Variants in ITSN2 observed in about 807,000 individuals in gnomAD.
ITSN2 encodes intersectin 2, also known as intersectin-2.
In ITSN2, 156 loss-of-function variants were observed where a neutral mutation model predicts 243.7. That is an observed-to-expected ratio of 0.64 (90% CI 0.56 to 0.73). ITSN2 has a LOEUF of 0.73. ITSN2 is among the 30% of genes least tolerant of loss of function. The pLI is 0.00. For missense variants in ITSN2, 1,801 were observed against 1,996.1 expected (o/e 0.90, Z 1.86); for synonymous variants, 703 against 699.9 (o/e 1.00, Z -0.07).
chr2:24,308,531 A>G (rs1245892629), intron 8 of ITSN2, 86 bp downstream of exon 8: 1 of 848,674 alleles, frequency 1.2e-6, no homozygotes, highest in Non-Finnish European at 1.7e-6. Flanking sequence ...GATGAGCTAC[A>G]CAATACAAAT....
chr2:24,330,657 G>A (rs1341847739), intron 1 of ITSN2: 2 of 732,036 alleles, frequency 2.7e-6, no homozygotes, highest in Admixed American at 1.7e-5. Flanking sequence ...AGCTGAAAGT[G>A]CTGGAGATGC....
chr2:24,324,129 G>C (rs1354551540), intron 2 of ITSN2, among the ~76,000 whole-genome samples: 1 of 152,186 alleles, frequency 6.6e-6, no homozygotes, highest in African/African-American at 2.4e-5. Flanking sequence ...CTACTCGGGA[G>C]GCTGAGGCAG....
chr2:24,207,502 G>A (rs977829108), intron 37 of ITSN2, among the ~76,000 whole-genome samples: 1 of 152,138 alleles, frequency 6.6e-6, no homozygotes, highest in East Asian at 1.9e-4. Flanking sequence ...GCTTGGGAGA[G>A]TGTGGCTAGC....
chr2:24,288,403 T>C lies in ITSN2; in HGVS notation c.1724-2052A>G, dbSNP rs545045580. Among the ~76,000 whole-genome samples, 39 of 152,284 alleles carry C rather than the reference T, an allele frequency of 2.6e-4. 1 individual carries two copies. The South Asian group carries it at 7.2e-3, about 28-fold the overall frequency. Reference sequence around the variant, plus strand: ...CTTGTAATTGACAAAAAATTGTATATATATTGTATGCATGTTGTTTTAAAA... The same window carrying C: ...CTTGTAATTGACAAAAAATTGTATACATATTGTATGCATGTTGTTTTAAAA... On this transcript the variant is annotated intron_variant, in intron 15 of 39. Transcript: ENST00000355123.
intron 29 of ITSN2, among the ~76,000 whole-genome samples, chr2:24,235,660 A>G (rs1200266760): frequency 2.0e-5 from 3 of 152,244 alleles, no homozygotes; most frequent in African/African-American, 4.8e-5. Context: ...AAGTCTTTTA[A>G]AAAAGTGATT....
intron 27 of ITSN2, among the ~76,000 whole-genome samples, chr2:24,247,768 C>T (rs1243331485): frequency 6.6e-6 from 1 of 152,110 alleles, no homozygotes; most frequent in Non-Finnish European, 1.5e-5. Flanking sequence ...AATGGTGCAG[C>T]CGACTACAAA....
intron 30 of ITSN2, among the ~76,000 whole-genome samples, chr2:24,219,503 TA>T (rs1670257521): frequency 2.6e-5 from 4 of 152,218 alleles, no homozygotes; most frequent in Admixed American, 2.6e-4. Context: ...TCTGTTTGTT[TA>T]TTTGCTGATT....
intron 3 of ITSN2, among the ~76,000 whole-genome samples, chr2:24,314,446 C>G (rs1049974122): frequency 6.6e-6 from 1 of 152,168 alleles, no homozygotes; most frequent in Non-Finnish European, 1.5e-5. Context: ...TAGGCAGTTA[C>G]ATAACGTCTC....
At chr2:24,338,727 C>T (rs1363710892) in intron 1 of ITSN2, among the ~76,000 whole-genome samples, 1 of 152,116 alleles carries the variant, frequency 6.6e-6, no homozygotes, top group Non-Finnish European at 1.5e-5. Context: ...TGCAGTGGCT[C>T]ACACCTGTAA....
At chr2:24,257,699 T>C (rs751040328) in intron 23 of ITSN2, among the ~76,000 whole-genome samples, 189 bp downstream of exon 23, 1 of 152,114 alleles carries the variant, frequency 6.6e-6, no homozygotes, top group Non-Finnish European at 1.5e-5. Flanking sequence ...TCAAGTGATC[T>C]GCCTGCCTTG....
intron 1 of ITSN2, among the ~76,000 whole-genome samples, chr2:24,340,750 A>AC (rs1393879413): frequency 2.6e-5 from 4 of 152,132 alleles, no homozygotes; most frequent in East Asian, 1.9e-4. Context: ...AAAGGAAAAA[A>AC]AACACACACA....
chr2:24,246,642 T>C (rs182536642), intron 28 of ITSN2, among the ~76,000 whole-genome samples, 155 bp downstream of exon 28: 124 of 152,294 alleles, frequency 8.1e-4, no homozygotes, highest in African/African-American at 2.9e-3. Context: ...ACACTGAACT[T>C]TTCAGAAAGG....
chr2:24,258,145 T>C (rs113834384), intron 22 of ITSN2, 52 bp from the exon 23 acceptor site: 33 of 1,311,710 alleles, frequency 2.5e-5, no homozygotes, highest in African/African-American at 1.3e-4. Context: ...TAACTATGAT[T>C]TCTGTTTCTG....
At chr2:24,292,536 G>A (rs2151605779) in intron 15 of ITSN2, among the ~76,000 whole-genome samples, 1 of 152,308 alleles carries the variant, frequency 6.6e-6, no homozygotes, top group East Asian at 1.9e-4. Context: ...TAGTTCACAA[G>A]AGTGAACTTC....
Position 24,205,166 on chromosome 2 carries a change from CTG to C in ITSN2, c.4762+46_4762+47del, listed in dbSNP as rs745981709. ...TGTCTCAAAAAGTCATCAGCAAAAA[CTG>C]GGGCAGGGCAGTTATGTCTGCTGAA... On this transcript the variant is annotated intron_variant, in intron 38 of 39. Transcript: ENST00000355123. 12 of 1,518,248 alleles carry C rather than the reference CTG, an allele frequency of 7.9e-6. No homozygotes were observed. The African/African-American group carries it at 1.4e-4, about 17-fold the overall frequency. The allele number at this position is 1,518,248 out of a possible 1,614,324, so 94.0% of individuals were successfully genotyped here. A position where few individuals can be genotyped will look rare whatever the true frequency, so the allele number is the denominator to read the frequency against.
intron 7 of ITSN2, 83 bp downstream of exon 7, chr2:24,310,201 G>A (rs1683077842): frequency 4.4e-6 from 4 of 904,844 alleles, no homozygotes; most frequent in Non-Finnish European, 7.1e-6. Flanking sequence ...ACTTAGGTAA[G>A]CTCAAAGCTT....
intron 7 of ITSN2, chr2:24,309,037 C>A: frequency 3.1e-6 from 1 of 324,872 alleles, no homozygotes; most frequent in Non-Finnish European, 6.7e-6. Flanking sequence ...AGGTTGGATG[C>A]TCCCTTTGAG....
intron 31 of ITSN2, among the ~76,000 whole-genome samples, chr2:24,217,267 T>C (rs1301885833): frequency 6.6e-6 from 1 of 152,000 alleles, no homozygotes; most frequent in African/African-American, 2.4e-5. Context: ...AAAAATACAC[T>C]TGGGTGTTTC....
chr2:24,206,686 A>ATAAG (rs1375724479), intron 37 of ITSN2, among the ~76,000 whole-genome samples: 1 of 152,204 alleles, frequency 6.6e-6, no homozygotes. Context: ...CCCCACTGGC[A>ATAAG]TAAGTCACAT....
Sources: gnomAD v4.1 joint callset for allele counts (sites outside exome capture counted in the v4.1 genomes callset) on GRCh38, gnomAD v4.1.1 for gene constraint, MANE v1.5 for transcripts, NCBI Gene and HGNC (gene_info 2026-07-23, HGNC 2026-07-21) for gene names.